The following PPP2R5C variants were observed in gnomAD, a reference collection of about 807,000 sequenced individuals.
The protein encoded by PPP2R5C is protein phosphatase 2 regulatory subunit B'gamma, also known as serine/threonine-protein phosphatase 2A 56 kDa regulatory subunit gamma isoform.
A neutral mutation model predicts 68.9 loss-of-function variants in PPP2R5C; 7 were observed. The ratio of observed to expected loss-of-function variants is 0.10; its 90% CI spans 0.06 to 0.19. The LOEUF is 0.19. Among genes scored for constraint, PPP2R5C ranks in the 10% least tolerant of loss-of-function variants. The probability of loss-of-function intolerance (pLI) is 1.00; values close to 1 mark genes in which losing one functional copy is unlikely to be tolerated. For missense variants in PPP2R5C, 348 were observed against 641.3 expected (o/e 0.54, Z 4.94); for synonymous variants, 210 against 222.2 (o/e 0.95, Z 0.49).
chr14:101,919,593 G>A (rs1350264769), intron 13 of PPP2R5C, among the ~76,000 whole-genome samples: 1 of 152,124 alleles, frequency 6.6e-6, no homozygotes, highest in East Asian at 1.9e-4. Flanking sequence ...ATCACAGTCG[G>A]TGTCTCTTCT....
At position 101,893,463 on chromosome 14, in the gene PPP2R5C, GA is replaced by G. The variant is rs562506709; in HGVS notation, c.798+359del. 3.0e-3 allele frequency among the ~76,000 whole-genome samples: 459 copies of G among 152,250 alleles called. 4 individuals are homozygous for G. Among genetic ancestry groups the G allele is most frequent in the African/African-American group, 0.01 (432 of 41,528 alleles). On this transcript the variant is annotated intron_variant, in intron 7 of 13. Coordinates refer to ENST00000334743, the Ensembl canonical transcript of PPP2R5C. ...GGTCCATGGCCAATGAATGGCCTATGAAAACGTTTTTTAAAAAAATAAAGCT... is the reference window on the plus strand; with the variant it reads ...GGTCCATGGCCAATGAATGGCCTATGAAACGTTTTTTAAAAAAATAAAGCT...
chr14:101,908,605 C>T (rs1013245547), intron 10 of PPP2R5C, among the ~76,000 whole-genome samples: 5 of 151,944 alleles, frequency 3.3e-5, no homozygotes, highest in African/African-American at 1.2e-4. Context: ...AACTCCTGAC[C>T]TGAAGTGACC....
At position 101,891,488 on chromosome 14, in the gene PPP2R5C, T is replaced by C. The variant is rs905644348; in HGVS notation, c.689+1192T>C. Among the ~76,000 whole-genome samples the C allele has an allele frequency of 3.3e-5, 5 of 152,138 alleles. No homozygotes were observed. Among genetic ancestry groups the C allele is most frequent in the Non-Finnish European group, 5.9e-5 (4 of 68,026 alleles). On this transcript the variant is annotated intron_variant, in intron 6 of 13. Transcript: ENST00000334743. The surrounding 1 kb of genome is among the most constrained non-coding windows in gnomAD (Gnocchi z 4.9). ...GCCTCTCTTACTAGATGTGTGACCA[T>C]GGGCAGGTACTTCTGTAAGATAGGC...
intron 11 of PPP2R5C, among the ~76,000 whole-genome samples, chr14:101,910,824 C>T (rs1249832806): frequency 2.6e-5 from 4 of 151,864 alleles, no homozygotes; most frequent in Non-Finnish European, 4.4e-5. Flanking sequence ...AAAAAAAGGC[C>T]GGGCATGGTG....
At chr14:101,924,966 AT>A (rs1451385679) in intron 13 of PPP2R5C, among the ~76,000 whole-genome samples, 174 bp from the exon 16 acceptor site, 3 of 152,170 alleles carry the variant, frequency 2.0e-5, no homozygotes, top group African/African-American at 7.2e-5. Flanking sequence ...GTAGCAAGAC[AT>A]TTTTGGCAAA....
intron 2 of PPP2R5C, among the ~76,000 whole-genome samples, chr14:101,876,593 G>A (rs1343035494): frequency 6.6e-6 from 1 of 152,186 alleles, no homozygotes; most frequent in Non-Finnish European, 1.5e-5. Flanking sequence ...GGCCATTCTA[G>A]TTTACATCTA....
chr14:101,790,471 A>G (rs2038306160), intron 3 of PPP2R5C, among the ~76,000 whole-genome samples: 1 of 152,122 alleles, frequency 6.6e-6, no homozygotes. Flanking sequence ...CTGTCTCTAG[A>G]CTTACTTTCT....
At chr14:101,874,163 G>A (rs2043602158) in intron 2 of PPP2R5C, among the ~76,000 whole-genome samples, 2 of 152,342 alleles carry the variant, frequency 1.3e-5, no homozygotes. Flanking sequence ...GGAAATGGCT[G>A]TGCATACATG....
In PPP2R5C at chr14:101,919,981, A is replaced by AAAAAAAAAAC. The variant is rs1426289135; in HGVS notation, c.1443+2043_1443+2044insCAAAAAAAAA. Among the ~76,000 whole-genome samples the AAAAAAAAAAC allele has an allele frequency of 5.5e-3, 766 of 140,522 alleles. 12 individuals carry two copies. The highest frequency in any genetic ancestry group is 0.013 in the South Asian group (56 of 4,438). 92.2% of individuals were successfully genotyped at this position (140,522 alleles called of 152,430 possible). On this transcript the variant is annotated intron_variant, in intron 13 of 13. Coordinates refer to ENST00000334743, the Ensembl canonical transcript of PPP2R5C. ...CAAAACTCCGTCTCAAAAAAAAAAA[A>AAAAAAAAAAC]AAAAAAAAAAACCAATTCTTACACA...
intron 13 of PPP2R5C, chr14:101,921,495 C>G (rs901696386): frequency 1.3e-5 from 2 of 151,674 alleles, no homozygotes; most frequent in African/African-American, 4.8e-5. Context: ...GCCCTCCAGC[C>G]TGGGTGACAG....
rs1445302335 is a variant in PPP2R5C at position 101,771,337 on chromosome 14, C to T, written c.93+8367C>T. On this transcript the variant is annotated intron_variant, in intron 2 of 14. Transcript: ENST00000328724. ...TGGTGCGATCTTGGCTCACCACAAC[C>T]TCCGCCTCCTGGGTTCAAGCTATTC... Among the ~76,000 whole-genome samples the T allele has an allele frequency of 9.9e-5, 15 of 151,726 alleles. No homozygotes were observed. In the East Asian group the frequency reaches 2.6e-3, roughly 26 times the overall value.
At chr14:101,926,731 C>T (rs2047301417) in exon 14 of PPP2R5C, 3 of 152,214 alleles carry the variant, frequency 2.0e-5, no homozygotes, top group African/African-American at 7.2e-5. Flanking sequence ...CTCGGGTATC[C>T]TTTCAAAGAT....
intron 2 of PPP2R5C, among the ~76,000 whole-genome samples, chr14:101,859,865 G>C (rs2042651866): frequency 6.6e-6 from 1 of 151,992 alleles, no homozygotes; most frequent in African/African-American, 2.4e-5. Flanking sequence ...TATTGGGGAT[G>C]GGGGTGTGTA....
chr14:101,903,205 C>T (rs2045811181), intron 9 of PPP2R5C, among the ~76,000 whole-genome samples: 1 of 152,012 alleles, frequency 6.6e-6, no homozygotes, highest in Admixed American at 6.6e-5. Flanking sequence ...GGAAGTGTCC[C>T]AAAAACTTGA....
At chr14:101,907,968 C>T (rs2046152393) in intron 10 of PPP2R5C, among the ~76,000 whole-genome samples, 1 of 152,174 alleles carries the variant, frequency 6.6e-6, no homozygotes, top group African/African-American at 2.4e-5. Flanking sequence ...GGTTGCCGCC[C>T]AGAAATTCAA....
intron 11 of PPP2R5C, 113 bp from the exon 14 acceptor site, chr14:101,912,288 G>A (rs2046438297): frequency 3.9e-6 from 3 of 771,328 alleles, no homozygotes. Flanking sequence ...ATGGAGCAGG[G>A]GGGCTGCGGG....
intron 1 of PPP2R5C, chr14:101,819,987 G>A (rs1337673993): frequency 6.6e-6 from 1 of 152,218 alleles, no homozygotes; most frequent in East Asian, 1.9e-4. Flanking sequence ...ATGCTGGAGT[G>A]TGATGGCCGT....
chr14:101,864,701 C>T (rs530528116), intron 2 of PPP2R5C, among the ~76,000 whole-genome samples: 190 of 152,252 alleles, frequency 1.2e-3, no homozygotes, highest in African/African-American at 4.4e-3. Context: ...GAAGGAACAG[C>T]TCCTCTAAAG....
chr14:101,878,083 G>A (rs1331170144), intron 2 of PPP2R5C, among the ~76,000 whole-genome samples: 4 of 152,244 alleles, frequency 2.6e-5, no homozygotes, highest in Admixed American at 6.5e-5. Context: ...GACGGCCACT[G>A]TGCCCTCCCA....
Sources: gnomAD v4.1 joint callset for allele counts (sites outside exome capture counted in the v4.1 genomes callset) on GRCh38, gnomAD v4.1.1 for gene constraint, Gnocchi (gnomAD v3.1) non-coding constraint, MANE v1.5 for transcripts, NCBI Gene and HGNC (gene_info 2026-07-23, HGNC 2026-07-21) for gene names.